The following ACSM3 variants were observed in gnomAD, a reference collection of about 807,000 sequenced individuals.
The protein encoded by ACSM3 is acyl-CoA synthetase medium chain family member 3.
ACSM3 carries 61 observed loss-of-function variants against 74.1 expected under a neutral mutation model. The ratio of observed to expected loss-of-function variants is 0.82; its 90% CI spans 0.67 to 1.02. The LOEUF (loss-of-function observed/expected upper bound fraction) is 1.02, where lower values mean the gene tolerates loss of function less well. Ranked by LOEUF, ACSM3 falls within the 50% of genes least tolerant of loss-of-function variation. ACSM3 has a pLI of 0.00. For synonymous variants in ACSM3, 213 were observed against 241.5 expected (o/e 0.88, Z 1.09); for missense variants, 660 against 697.0 (o/e 0.95, Z 0.60).
At chr16:20,686,254 C>A (rs2079552191) in intron 1 of ACSM3, among the ~76,000 whole-genome samples, 1 of 151,974 alleles carries the variant, frequency 6.6e-6, no homozygotes, top group Non-Finnish European at 1.5e-5. Context: ...AGGGCAGTAA[C>A]AAAGCAGACT....
upstream of ACSM3, among the ~76,000 whole-genome samples, chr16:20,761,471 G>A (rs2080076087): frequency 1.3e-5 from 2 of 152,188 alleles, no homozygotes; most frequent in South Asian, 4.1e-4. Flanking sequence ...TTTCCAGGTA[G>A]ACAGTGTTGA....
At chr16:20,789,685 T>A in intron 9 of ACSM3, 9 of 147,716 alleles carry the variant, frequency 6.1e-5, no homozygotes, top group East Asian at 1.8e-4. Context: ...TCTATTTTTC[T>A]TTTTTTTTTT....
At chr16:20,735,399 T>C (rs2079860615) in intron 1 of ACSM3, 1 of 151,872 alleles carries the variant, frequency 6.6e-6, no homozygotes, top group Non-Finnish European at 1.5e-5. Flanking sequence ...TTTAACATTT[T>C]TGCATAAATG....
At position 20,718,017 on chromosome 16, in the gene ACSM3, GAAGAAGAA is replaced by G. The variant is rs1567323326; in HGVS notation, c.-189-31892_-189-31885del. ...AGAAGAAGAAGAAGAAGAAGAAGAAGAAGAAGAAGAAAAGAAAGAAGAAGAAGAACTGG... is the reference window on the plus strand; with the variant it reads ...AGAAGAAGAAGAAGAAGAAGAAGAAGGAAAAGAAAGAAGAAGAAGAACTGG... On this transcript the variant is annotated intron_variant, in intron 1 of 3. Transcript: ENST00000561584. 1.5e-3 allele frequency among the ~76,000 whole-genome samples: 220 copies of G among 146,680 alleles called. 1 individual carries two copies. Among genetic ancestry groups the G allele is most frequent in the African/African-American group, 5.5e-3 (212 of 38,806 alleles).
intron 1 of ACSM3, among the ~76,000 whole-genome samples, chr16:20,733,176 T>A (rs971056940): frequency 2.0e-5 from 3 of 152,148 alleles, no homozygotes; most frequent in African/African-American, 7.2e-5. Flanking sequence ...ATTGTTTCAA[T>A]AACCAAACTG....
intron 1 of ACSM3, among the ~76,000 whole-genome samples, chr16:20,697,239 AT>A (rs915018773): frequency 6.6e-5 from 10 of 151,908 alleles, no homozygotes; most frequent in Non-Finnish European, 1.2e-4. Context: ...TGCTTGGATA[AT>A]TTTTTTTAGA....
intron 1 of ACSM3, among the ~76,000 whole-genome samples, chr16:20,767,695 G>T (rs1369152421): frequency 1.3e-5 from 2 of 152,116 alleles, no homozygotes; most frequent in Non-Finnish European, 2.9e-5. Flanking sequence ...AGCCTGCCAA[G>T]AAATTTTTGT....
chr16:20,777,469 T>G lies in ACSM3; in HGVS notation c.527T>G (p.Val176Gly). The change falls in exon 4 of 14, where the codon GTT (valine) becomes GGT (glycine). Residue 176 changes from valine (V) to glycine (G), a missense_variant. Physicochemically the swap from Val to Gly is moderately radical, Grantham distance 109 (BLOSUM62 -3). Coordinates refer to ENST00000289416, the MANE Select transcript of ACSM3 (RefSeq NM_005622.4). ...GCAAACTGCATTATCACCAATGATG[T>G]TTTAGCCCCAGCAGTAGACGCTGTT... is the stretch of plus-strand genomic sequence containing the variant. ...SKANCIITND[V>G]LAPAVDAVAS... 6.2e-7 allele frequency: 1 copy of G among 1,614,118 alleles called. No homozygotes were observed. The highest frequency in any genetic ancestry group is 8.5e-7 in the Non-Finnish European group (1 of 1,179,986).
chr16:20,788,274 T>C lies in ACSM3; in HGVS notation c.1224+2116T>C, dbSNP rs1410267115. On this transcript the variant is annotated intron_variant, in intron 9 of 13. Coordinates refer to ENST00000289416, the MANE Select transcript of ACSM3 (RefSeq NM_005622.4). ...CATGTCTGCATTACAGGGAAGTTGA[T>C]ATGTAACACAGCTATGTTCTTTTTC... is the stretch of plus-strand genomic sequence containing the variant. 1.2e-4 allele frequency among the ~76,000 whole-genome samples: 18 copies of C among 152,014 alleles called. No homozygotes were observed. The South Asian group carries it at 3.7e-3, about 31-fold the overall frequency.
intron 1 of ACSM3, among the ~76,000 whole-genome samples, chr16:20,739,280 A>G (rs1239055371): frequency 1.3e-5 from 2 of 151,446 alleles, no homozygotes; most frequent in African/African-American, 4.9e-5. Context: ...GGTTCAACCA[A>G]TTTTCCTGCC....
intron 1 of ACSM3, among the ~76,000 whole-genome samples, chr16:20,693,052 C>A (rs917587643): frequency 6.6e-6 from 1 of 151,978 alleles, no homozygotes; most frequent in Non-Finnish European, 1.5e-5. Flanking sequence ...TGCCTGTAGT[C>A]CCAGCTACTG....
chr16:20,786,180 A>G, intron 9 of ACSM3, 22 bp downstream of exon 9: 1 of 1,607,674 alleles, frequency 6.2e-7, no homozygotes, highest in South Asian at 1.1e-5. Context: ...CCCTTCCAGG[A>G]GAATGTTTAA....
chr16:20,732,782 A>G (rs2079838585), intron 1 of ACSM3: 1 of 152,802 alleles, frequency 6.5e-6, no homozygotes. Context: ...GAGATTCAAT[A>G]AGCTTAGGCT....
intron 1 of ACSM3, chr16:20,729,300 A>G: frequency 1.4e-6 from 2 of 1,449,338 alleles, no homozygotes; most frequent in South Asian, 1.1e-5. Context: ...GGAATGATGG[A>G]CAGTGATGGG....
At chr16:20,759,222 C>T (rs548851621), upstream of ACSM3, among the ~76,000 whole-genome samples, 1 of 152,196 alleles carries the variant, frequency 6.6e-6, no homozygotes, top group Admixed American at 6.5e-5. Flanking sequence ...TACCAATGAC[C>T]AATGATTTAA....
At chr16:20,706,409 C>T (rs71374828) in intron 1 of ACSM3, among the ~76,000 whole-genome samples, 11,173 of 152,250 alleles carry the variant, frequency 0.073, 535 homozygotes, top group East Asian at 0.21. Flanking sequence ...GAAGTGATGT[C>T]AGCAAGATGG....
intron 1 of ACSM3, chr16:20,681,299 G>A (rs750699784): frequency 2.6e-5 from 4 of 152,234 alleles, no homozygotes; most frequent in South Asian, 2.1e-4. Flanking sequence ...TGAAGGAAGA[G>A]TATGTGGAAA....
chr16:20,741,445 T>C, intron 1 of ACSM3: 2 of 1,467,460 alleles, frequency 1.4e-6, no homozygotes, highest in Non-Finnish European at 1.8e-6. Context: ...CAGCCATCCC[T>C]CCACCCTTCC....
At chr16:20,711,285 C>T (rs1276533138) in intron 1 of ACSM3, among the ~76,000 whole-genome samples, 1 of 152,162 alleles carries the variant, frequency 6.6e-6, no homozygotes, top group African/African-American at 2.4e-5. Context: ...GTCTGTCAGA[C>T]TCCGAAGCCA....
Sources: allele counts gnomAD v4.1 joint callset (sites outside exome capture counted in the v4.1 genomes callset), GRCh38; gene constraint gnomAD v4.1.1; transcripts MANE v1.5; gene names NCBI Gene and HGNC (gene_info 2026-07-23, HGNC 2026-07-21).